Variants in GPR89B observed in about 807,000 individuals in gnomAD.
GPR89B encodes golgi pH regulator B, also known as G protein-coupled receptor 89B.
A neutral mutation model predicts 52.4 loss-of-function variants in GPR89B; 25 were observed. The ratio of observed to expected loss-of-function variants is 0.48; its 90% CI spans 0.35 to 0.67. The LOEUF is 0.67. Among genes scored for constraint, GPR89B ranks in the 30% least tolerant of loss-of-function variants. GPR89B has a pLI of 0.01. For synonymous variants in GPR89B, 52 were observed against 151.2 expected (o/e 0.34, Z 4.81); for missense variants, 146 against 450.2 (o/e 0.32, Z 6.11).
chr1:148,002,078 T>G, the GPR89B span, among the ~76,000 whole-genome samples: 2 of 151,528 alleles, frequency 1.3e-5, no homozygotes, highest in Non-Finnish European at 2.9e-5. Flanking sequence ...GTTTCACTTT[T>G]CCAGCTAGCT....
downstream of GPR89B, among the ~76,000 whole-genome samples, chr1:147,997,048 G>A (rs1659330470): frequency 6.6e-6 from 1 of 152,196 alleles, no homozygotes; most frequent in Admixed American, 6.5e-5. Context: ...TTTCTTTTGA[G>A]TTCATGATAG....
intron 1 of GPR89B, among the ~76,000 whole-genome samples, chr1:147,933,391 T>C (rs1653811807): frequency 1.3e-5 from 2 of 151,814 alleles, no homozygotes; most frequent in Admixed American, 6.6e-5. Context: ...GGCACATTGC[T>C]CTCCTTACTC....
intron 1 of GPR89B, among the ~76,000 whole-genome samples, chr1:147,931,675 G>A (rs1414953492): frequency 7.9e-5 from 12 of 151,252 alleles, no homozygotes; most frequent in Admixed American, 1.3e-4. Context: ...CAAATGATCC[G>A]GTCACCCAGG....
intron 5 of GPR89B, among the ~76,000 whole-genome samples, chr1:147,951,077 G>A (rs1454977778): frequency 6.6e-6 from 1 of 151,816 alleles, no homozygotes; most frequent in Non-Finnish European, 1.5e-5. Context: ...GCAACCAGGG[G>A]AAAACTTATT....
chr1:147,989,234 A>G (rs1264810371), intron 12 of GPR89B, among the ~76,000 whole-genome samples: 6,666 of 151,326 alleles, frequency 0.044, 210 homozygotes, highest in African/African-American at 0.073. Flanking sequence ...CCTTAATGTC[A>G]TCAATAAGTT....
chr1:147,940,178 C>T (rs868995882), intron 3 of GPR89B, among the ~76,000 whole-genome samples: 64 of 152,028 alleles, frequency 4.2e-4, no homozygotes, highest in Middle Eastern at 3.4e-3. Flanking sequence ...CCAAGGCGGG[C>T]GGATCACGAG....
chr1:147,977,891 T>C (rs1657956914), intron 10 of GPR89B, among the ~76,000 whole-genome samples: 1 of 151,556 alleles, frequency 6.6e-6, no homozygotes, highest in Non-Finnish European at 1.5e-5. Context: ...CCTATAATGT[T>C]TTATCATGGT....
intron 1 of GPR89B, among the ~76,000 whole-genome samples, chr1:147,932,914 G>C (rs1201799788): frequency 6.6e-6 from 1 of 152,054 alleles, no homozygotes; most frequent in Non-Finnish European, 1.5e-5. Flanking sequence ...GTTCAATCTT[G>C]ATTCTGACAC....
chr1:148,009,530 G>T, the GPR89B span: 7 of 1,573,382 alleles, frequency 4.4e-6, no homozygotes, highest in East Asian at 1.6e-4. Flanking sequence ...CTTTCTCATA[G>T]GAATCCCCAT....
intron 10 of GPR89B, among the ~76,000 whole-genome samples, chr1:147,970,511 C>CTT (rs1405502766): frequency 1.3e-5 from 2 of 148,998 alleles, no homozygotes; most frequent in Non-Finnish European, 3.0e-5. Flanking sequence ...CTCTCTCTCT[C>CTT]TCTCTCTCTC....
At chr1:147,930,771 T>G (rs1653521299) in intron 1 of GPR89B, among the ~76,000 whole-genome samples, 1 of 152,170 alleles carries the variant, frequency 6.6e-6, no homozygotes, top group African/African-American at 2.4e-5. Flanking sequence ...GATGGGACCC[T>G]GGCTCTTCTC....
intron 3 of GPR89B, among the ~76,000 whole-genome samples, chr1:147,943,149 A>G (rs587715267): frequency 6.2e-5 from 9 of 144,948 alleles, no homozygotes; most frequent in East Asian, 4.1e-4. Context: ...GCAATGGCAT[A>G]TGTTGATACA....
At chr1:147,990,488 AT>A (rs1334001082) in intron 12 of GPR89B, among the ~76,000 whole-genome samples, 1 of 152,046 alleles carries the variant, frequency 6.6e-6, no homozygotes, top group Non-Finnish European at 1.5e-5. Context: ...TTTTGTTGCC[AT>A]TGCTTTTGGT....
At chr1:147,989,585 C>A (rs1355608862) in intron 12 of GPR89B, among the ~76,000 whole-genome samples, 1 of 152,050 alleles carries the variant, frequency 6.6e-6, no homozygotes, top group Non-Finnish European at 1.5e-5. Flanking sequence ...TCCCCCCTTC[C>A]CCCACCCCAC....
chr1:147,998,386 C>G (rs1194744484), downstream of GPR89B, among the ~76,000 whole-genome samples: 12 of 142,920 alleles, frequency 8.4e-5, no homozygotes, highest in African/African-American at 3.1e-4. Context: ...CTCCTAGTTA[C>G]CCAGTTCAAC....
the GPR89B span, among the ~76,000 whole-genome samples, chr1:148,023,341 A>G: frequency 6.8e-6 from 1 of 146,132 alleles, no homozygotes; most frequent in Admixed American, 6.7e-5. Flanking sequence ...TTAATCCACC[A>G]TTGATGGGCA....
chr1:147,995,303 C>A (rs1659289143), downstream of GPR89B, among the ~76,000 whole-genome samples: 1 of 150,364 alleles, frequency 6.7e-6, no homozygotes, highest in African/African-American at 2.5e-5. Context: ...ATATCTAGAT[C>A]ATCCGATTCA....
In GPR89B at chr1:147,936,648, T is replaced by C. The variant is rs782184239; in HGVS notation, c.64T>C (p.Trp22Arg). Residue 22 changes from tryptophan to arginine, a missense_variant, in exon 2 of 14, where the codon TGG becomes CGG. Physicochemically the swap from Trp to Arg is moderately radical, Grantham distance 101. Transcript: ENST00000314163. The stretch of plus-strand genomic sequence containing the variant: ...CCAGATACTATTTTTTGGATTTGGG[T>C]GGCTTTTCTTCATGCGCCAATTGTT... ...TSQILFFGFG[W>R]LFFMRQLFKD... 1.6e-5 allele frequency: 25 copies of C among 1,612,048 alleles called. No homozygotes were observed. The highest frequency in any genetic ancestry group is 1.1e-4 in the South Asian group (10 of 90,966).
At chr1:148,021,355 A>AC in the GPR89B span, among the ~76,000 whole-genome samples, 1 of 151,560 alleles carries the variant, frequency 6.6e-6, no homozygotes, top group Non-Finnish European at 1.5e-5. Context: ...ACAAAAAATT[A>AC]CCCGGGGGTG....
Sources: allele counts gnomAD v4.1 joint callset (sites outside exome capture counted in the v4.1 genomes callset), GRCh38; gene constraint gnomAD v4.1.1; transcripts MANE v1.5; gene names NCBI Gene and HGNC (gene_info 2026-07-23, HGNC 2026-07-21).